SAR1B: variants seen among roughly 807,000 people sequenced by gnomAD.
SAR1B encodes secretion associated Ras related GTPase 1B.
Under a neutral mutation model 26.8 loss-of-function variants are expected in SAR1B, and 23 were observed. The ratio of observed to expected loss-of-function variants is 0.86; its 90% CI spans 0.62 to 1.22. The LOEUF (loss-of-function observed/expected upper bound fraction) is 1.22. Ranked by LOEUF, SAR1B falls within the 50% of genes most tolerant of loss-of-function variation. The pLI, the probability that SAR1B is intolerant of heterozygous loss-of-function variation, is 0.00. For missense variants in SAR1B, 196 were observed against 232.8 expected, an observed-to-expected ratio of 0.84 and a Z score of 1.03; for synonymous variants, 65 against 80.8, an observed-to-expected ratio of 0.80 and a Z score of 1.05.
chr5:134,629,978 G>A (rs1765572130), intron 1 of SAR1B, among the ~76,000 whole-genome samples: 1 of 151,994 alleles, frequency 6.6e-6, no homozygotes, highest in South Asian at 2.1e-4. Flanking sequence ...TGGCCAAGGT[G>A]AGGGCTGGGC....
chr5:134,623,179 G>A (rs890394617), intron 2 of SAR1B, among the ~76,000 whole-genome samples: 2 of 151,192 alleles, frequency 1.3e-5, no homozygotes, highest in African/African-American at 4.9e-5. Flanking sequence ...AGTGGTTCAT[G>A]CCTGTAATCC....
chr5:134,617,824 G>A (rs1470790098), intron 3 of SAR1B, among the ~76,000 whole-genome samples: 3 of 152,120 alleles, frequency 2.0e-5, no homozygotes, highest in Non-Finnish European at 4.4e-5. Flanking sequence ...TGGAATTACA[G>A]GCACGTGCCA....
intron 3 of SAR1B, among the ~76,000 whole-genome samples, chr5:134,618,796 G>C (rs1290553672): frequency 6.6e-6 from 1 of 151,994 alleles, no homozygotes; most frequent in Non-Finnish European, 1.5e-5. Flanking sequence ...CCAGGAGTTC[G>C]AGACCAGCCT....
chr5:134,623,936 T>C lies in SAR1B; in HGVS notation c.58+26A>G, dbSNP rs775354389. Reference sequence around the variant, plus strand: ...AATAAATAAGACCAAAGGGGATAACTGTAGAGAACAAAGGACCAACATTAC... The same window carrying C: ...AATAAATAAGACCAAAGGGGATAACCGTAGAGAACAAAGGACCAACATTAC... On this transcript the variant is annotated intron_variant, in intron 2 of 6. Coordinates refer to ENST00000402673, the MANE Select transcript of SAR1B (RefSeq NM_016103.4). The C allele has an allele frequency of 7.3e-6, 11 of 1,501,672 alleles. No individual in the cohort carries two copies. In the African/African-American group the frequency reaches 8.3e-5, roughly 11 times the overall value. The allele number at this position is 1,501,672 out of a possible 1,614,324, so 93.0% of individuals were successfully genotyped here.
Sources: gnomAD v4.1 joint callset for allele counts (sites outside exome capture counted in the v4.1 genomes callset) on GRCh38, gnomAD v4.1.1 for gene constraint, MANE v1.5 for transcripts, NCBI Gene and HGNC (gene_info 2026-07-23, HGNC 2026-07-21) for gene names.